Variants in AUTS2 observed in about 807,000 individuals in gnomAD.
AUTS2 encodes the protein autism susceptibility gene 2 protein.
Under a neutral mutation model 112.4 loss-of-function variants are expected in AUTS2, and 17 were observed. The observed-to-expected ratio is 0.15, with a 90% CI of 0.10 to 0.23. AUTS2 has a LOEUF of 0.23. Among genes scored for constraint, AUTS2 ranks in the 10% least tolerant of loss-of-function variants. The probability of loss-of-function intolerance (pLI) is 1.00; values close to 1 mark genes in which losing one functional copy is unlikely to be tolerated. For synonymous variants in AUTS2, 751 were observed against 702.7 expected, an observed-to-expected ratio of 1.07 and a Z score of -1.09; for missense variants, 1,510 against 1,701.6, an observed-to-expected ratio of 0.89 and a Z score of 1.98.
chr7:69,668,034 A>G (rs1303570739), intron 1 of AUTS2, among the ~76,000 whole-genome samples: 3 of 150,522 alleles, frequency 2.0e-5, no homozygotes, highest in Non-Finnish European at 4.4e-5. Flanking sequence ...TTACTGTCAC[A>G]TGACAGATGA....
chr7:70,226,508 C>G (rs754963488), intron 4 of AUTS2, among the ~76,000 whole-genome samples: 9 of 151,788 alleles, frequency 5.9e-5, no homozygotes, highest in Non-Finnish European at 1.2e-4. Flanking sequence ...CCTGGCCCCC[C>G]CTTTTAATAA....
intron 2 of AUTS2, among the ~76,000 whole-genome samples, chr7:69,988,037 A>G (rs1798584823): frequency 6.6e-6 from 1 of 152,222 alleles, no homozygotes; most frequent in South Asian, 2.1e-4. Context: ...CACAGATAAT[A>G]CATCTACAGC....
intron 2 of AUTS2, among the ~76,000 whole-genome samples, chr7:69,933,160 G>A (rs1464517516): frequency 6.6e-6 from 1 of 152,152 alleles, no homozygotes; most frequent in South Asian, 2.1e-4. Flanking sequence ...AAACTTTAAT[G>A]CTTCTTTAGA....
At chr7:70,464,136 C>T (rs1797081283) in intron 5 of AUTS2, among the ~76,000 whole-genome samples, 1 of 152,220 alleles carries the variant, frequency 6.6e-6, no homozygotes. Flanking sequence ...CGCAGAGCTT[C>T]GTTCTTGTCT....
intron 5 of AUTS2, among the ~76,000 whole-genome samples, chr7:70,686,835 C>T (rs73435053): frequency 2.0e-3 from 305 of 152,204 alleles, no homozygotes; most frequent in African/African-American, 7.2e-3. Context: ...GCGCCAGACC[C>T]GAAAGCATCT....
intron 10 of AUTS2, among the ~76,000 whole-genome samples, chr7:70,769,414 A>C (rs1009211157): frequency 6.6e-6 from 1 of 152,242 alleles, no homozygotes; most frequent in Admixed American, 6.5e-5. Context: ...GGCTGGGTGC[A>C]GTGGCTCATG....
At chr7:70,343,850 A>G (rs1035726463) in intron 4 of AUTS2, among the ~76,000 whole-genome samples, 6 of 152,076 alleles carry the variant, frequency 3.9e-5, no homozygotes, top group African/African-American at 1.4e-4. Context: ...TGCTGTTAGG[A>G]AAGGAATGAG....
intron 1 of AUTS2, among the ~76,000 whole-genome samples, chr7:69,693,603 G>A (rs986739968): frequency 6.6e-6 from 1 of 152,162 alleles, no homozygotes; most frequent in Non-Finnish European, 1.5e-5. Context: ...ATTCAGCTGG[G>A]ATTTGTGTTT....
At chr7:70,195,121 GTC>G (rs1370398407) in intron 4 of AUTS2, among the ~76,000 whole-genome samples, 6 of 152,104 alleles carry the variant, frequency 3.9e-5, no homozygotes, top group African/African-American at 1.4e-4. Context: ...AAAACAAGAA[GTC>G]TCTTTTCCTG....
At chr7:70,447,543 C>T (rs1286304642) in intron 5 of AUTS2, among the ~76,000 whole-genome samples, 3 of 152,188 alleles carry the variant, frequency 2.0e-5, no homozygotes, top group Non-Finnish European at 4.4e-5. Context: ...AACTGAATCA[C>T]AGAGGTATTA....
At chr7:69,616,786 G>A (rs1793404915) in intron 1 of AUTS2, among the ~76,000 whole-genome samples, 1 of 152,170 alleles carries the variant, frequency 6.6e-6, no homozygotes, top group African/African-American at 2.4e-5. Flanking sequence ...GGTACGCTGA[G>A]TCATTTGAGG....
intron 2 of AUTS2, among the ~76,000 whole-genome samples, chr7:69,969,110 T>TA (rs1797744970): frequency 6.6e-6 from 1 of 152,162 alleles, no homozygotes; most frequent in Non-Finnish European, 1.5e-5. Flanking sequence ...TGTTTGCTGT[T>TA]ATGAATTTTG....
At chr7:69,925,040 A>T (rs550172149) in intron 2 of AUTS2, among the ~76,000 whole-genome samples, 1 of 152,290 alleles carries the variant, frequency 6.6e-6, no homozygotes, top group South Asian at 2.1e-4. Flanking sequence ...TTTTCATTTT[A>T]TCAAAGTTGT....
intron 5 of AUTS2, among the ~76,000 whole-genome samples, chr7:70,553,389 A>G (rs1801095509): frequency 6.6e-6 from 1 of 152,194 alleles, no homozygotes. Context: ...GGGGAAAATG[A>G]CACTTGGGCA....
chr7:70,402,136 T>A (rs1213710776), intron 4 of AUTS2, among the ~76,000 whole-genome samples: 1 of 152,234 alleles, frequency 6.6e-6, no homozygotes, highest in African/African-American at 2.4e-5. Context: ...GGATGTTGTG[T>A]TTTGGAGGCA....
At chr7:69,898,617 G>A (rs1356547487) in intron 1 of AUTS2, among the ~76,000 whole-genome samples, 2 of 152,032 alleles carry the variant, frequency 1.3e-5, no homozygotes, top group Non-Finnish European at 2.9e-5. Flanking sequence ...CCCCATTCAA[G>A]GACATTGATT....
chr7:69,991,730 A>G (rs1798748730), intron 2 of AUTS2, among the ~76,000 whole-genome samples: 1 of 152,234 alleles, frequency 6.6e-6, no homozygotes, highest in African/African-American at 2.4e-5. Flanking sequence ...TGTTAGAGCT[A>G]AGAAAGGCCT....
intron 4 of AUTS2, among the ~76,000 whole-genome samples, chr7:70,175,640 T>C (rs12698866): frequency 0.3 from 45,323 of 151,876 alleles, 7,009 homozygotes; most frequent in Middle Eastern, 0.37. Context: ...TCAGCAACCA[T>C]CAACATGTAT....
intron 5 of AUTS2, among the ~76,000 whole-genome samples, chr7:70,575,507 T>C (rs1214114947): frequency 6.6e-6 from 1 of 152,130 alleles, no homozygotes; most frequent in East Asian, 1.9e-4. Context: ...AATGACAGGC[T>C]TCAAATAACC....
Sources: allele counts gnomAD v4.1 joint callset (sites outside exome capture counted in the v4.1 genomes callset), GRCh38; gene constraint gnomAD v4.1.1; transcripts MANE v1.5; gene names NCBI Gene and HGNC (gene_info 2026-07-23, HGNC 2026-07-21).